The following EYS variants were observed in gnomAD, a reference collection of about 807,000 sequenced individuals.
The protein encoded by EYS is protein eyes shut homolog.
Under a neutral mutation model 282.1 loss-of-function variants are expected in EYS, and 250 were observed. The observed-to-expected ratio is 0.89, with a 90% CI of 0.80 to 0.98. The LOEUF is 0.98. EYS is among the 50% of genes least tolerant of loss of function. The pLI, the probability that EYS is intolerant of heterozygous loss-of-function variation, is 0.00. For missense variants in EYS, 4,016 were observed against 3,709.0 expected, an observed-to-expected ratio of 1.08 and a Z score of -2.15; for synonymous variants, 1,355 against 1,282.9, an observed-to-expected ratio of 1.06 and a Z score of -1.20.
At chr6:64,819,366 A>T (rs1235242522) in intron 21 of EYS, among the ~76,000 whole-genome samples, 1 of 152,170 alleles carries the variant, frequency 6.6e-6, no homozygotes, top group Non-Finnish European at 1.5e-5. Flanking sequence ...TAAAAAATGT[A>T]TTAAACTATA....
chr6:65,442,891 CATATATGT>C lies in EYS; in HGVS notation c.863-37532_863-37525del, dbSNP rs1391434853. Among the ~76,000 whole-genome samples, 2 of 100,224 alleles carry C rather than the reference CATATATGT, an allele frequency of 2.0e-5. 1 individual carries two copies. Among genetic ancestry groups the C allele is most frequent in the Non-Finnish European group, 5.1e-5 (2 of 39,204 alleles). 65.8% of individuals were successfully genotyped at this position (100,224 alleles called of 152,430 possible). On this transcript the variant is annotated intron_variant, in intron 5 of 42. Transcript: ENST00000503581. Reference sequence around the variant, plus strand: ...ACATACATATACACATACATATGTACATATATGTATATATACATGCACATACATATGTA... The same window carrying C: ...ACATACATATACACATACATATGTACATATATACATGCACATACATATGTA...
intron 8 of EYS, among the ~76,000 whole-genome samples, chr6:65,377,595 T>C (rs1334495001): frequency 6.6e-6 from 1 of 151,838 alleles, no homozygotes; most frequent in African/African-American, 2.4e-5. Flanking sequence ...AGCTGTTCTT[T>C]TGAAAAGATT....
At chr6:63,886,960 C>A (rs1489110924) in intron 35 of EYS, among the ~76,000 whole-genome samples, 1 of 152,098 alleles carries the variant, frequency 6.6e-6, no homozygotes, top group Non-Finnish European at 1.5e-5. Context: ...TTACTTTTTG[C>A]TAATGGAATA....
At chr6:64,247,588 A>C (rs1262794461) in intron 30 of EYS, among the ~76,000 whole-genome samples, 1 of 152,174 alleles carries the variant, frequency 6.6e-6, no homozygotes, top group Non-Finnish European at 1.5e-5. Context: ...CAATATTATA[A>C]GGTGACCAGT....
At chr6:64,978,448 G>C (rs534446193) in intron 14 of EYS, among the ~76,000 whole-genome samples, 4 of 151,916 alleles carry the variant, frequency 2.6e-5, no homozygotes, top group Non-Finnish European at 5.9e-5. Flanking sequence ...TGACAATATA[G>C]ATGATCATGC....
chr6:64,465,886 A>G (rs1000539511), intron 26 of EYS, among the ~76,000 whole-genome samples: 1 of 152,130 alleles, frequency 6.6e-6, no homozygotes, highest in Non-Finnish European at 1.5e-5. Context: ...AATATTTAAG[A>G]AACTGAAACA....
intron 40 of EYS, among the ~76,000 whole-genome samples, chr6:63,775,988 G>A (rs904021143): frequency 2.6e-5 from 4 of 152,102 alleles, no homozygotes; most frequent in Non-Finnish European, 5.9e-5. Context: ...GTCAATAAGA[G>A]GATCCCCAAA....
intron 2 of EYS, among the ~76,000 whole-genome samples, chr6:65,501,899 A>C (rs1055644926): frequency 4.0e-5 from 6 of 151,772 alleles, no homozygotes; most frequent in African/African-American, 1.4e-4. Context: ...TCATACATTT[A>C]CCAACAGCAT....
chr6:64,108,188 T>A (rs1413249869), intron 31 of EYS, among the ~76,000 whole-genome samples: 2 of 152,100 alleles, frequency 1.3e-5, no homozygotes, highest in African/African-American at 4.8e-5. Context: ...GTGAGGACCC[T>A]CCTATGTTTG....
At chr6:63,890,138 T>C (rs1773370916) in intron 35 of EYS, among the ~76,000 whole-genome samples, 1 of 151,976 alleles carries the variant, frequency 6.6e-6, no homozygotes, top group South Asian at 2.1e-4. Flanking sequence ...CCTACAAAGA[T>C]ACTTAGTTTC....
chr6:65,013,586 G>A (rs1300021574), intron 13 of EYS, among the ~76,000 whole-genome samples: 1 of 152,124 alleles, frequency 6.6e-6, no homozygotes, highest in African/African-American at 2.4e-5. Flanking sequence ...CACTTTAAAT[G>A]TGGGTGAGGC....
chr6:64,237,316 C>A (rs541009585), intron 30 of EYS, among the ~76,000 whole-genome samples: 1 of 152,108 alleles, frequency 6.6e-6, no homozygotes, highest in African/African-American at 2.4e-5. Flanking sequence ...AGTAAAACCC[C>A]TTTTGCAGGT....
At chr6:64,330,548 G>A (rs1770602278) in intron 29 of EYS, among the ~76,000 whole-genome samples, 1 of 152,180 alleles carries the variant, frequency 6.6e-6, no homozygotes, top group African/African-American at 2.4e-5. Context: ...GTCCATGAAA[G>A]AAAAGGAATA....
chr6:64,875,303 CATA>C (rs1210271032), intron 19 of EYS, among the ~76,000 whole-genome samples: 1 of 152,012 alleles, frequency 6.6e-6, no homozygotes, highest in African/African-American at 2.4e-5. Flanking sequence ...GTGTGCTCTT[CATA>C]ATAACTTTGC....
intron 22 of EYS, among the ~76,000 whole-genome samples, chr6:64,655,717 A>C (rs2149882122): frequency 6.6e-6 from 1 of 152,156 alleles, no homozygotes; most frequent in Middle Eastern, 3.4e-3. Flanking sequence ...ATGGATAAGC[A>C]ATTATTAAAA....
chr6:64,187,908 T>A (rs1413942067), intron 31 of EYS, among the ~76,000 whole-genome samples: 1 of 152,128 alleles, frequency 6.6e-6, no homozygotes, highest in Non-Finnish European at 1.5e-5. Flanking sequence ...AACTTTTTAA[T>A]GTTAACTGGA....
chr6:64,389,435 T>C (rs370636257), intron 28 of EYS, among the ~76,000 whole-genome samples: 1 of 152,232 alleles, frequency 6.6e-6, no homozygotes, highest in South Asian at 2.1e-4. Context: ...CATGTAGATA[T>C]GCATGTGTCA....
At chr6:64,748,618 T>C (rs1772636983) in intron 22 of EYS, among the ~76,000 whole-genome samples, 1 of 152,226 alleles carries the variant, frequency 6.6e-6, no homozygotes, top group Non-Finnish European at 1.5e-5. Flanking sequence ...GTGGATGCTA[T>C]GGAGCTAGAG....
chr6:64,042,476 G>A (rs1770433560), intron 33 of EYS, among the ~76,000 whole-genome samples: 1 of 152,172 alleles, frequency 6.6e-6, no homozygotes, highest in Admixed American at 6.5e-5. Context: ...TCTATTAAAT[G>A]CTCATACAAA....
Sources: allele counts gnomAD v4.1 joint callset (sites outside exome capture counted in the v4.1 genomes callset), GRCh38; gene constraint gnomAD v4.1.1; transcripts MANE v1.5; gene names NCBI Gene and HGNC (gene_info 2026-07-23, HGNC 2026-07-21).